The following ROBO1 variants were observed in gnomAD, a reference collection of about 807,000 sequenced individuals.
ROBO1 encodes roundabout homolog 1.
ROBO1 carries 149 observed loss-of-function variants against 195.9 expected under a neutral mutation model. That is an observed-to-expected ratio of 0.76 (90% CI 0.67 to 0.87). The LOEUF (loss-of-function observed/expected upper bound fraction) is 0.87, where lower values mean the gene tolerates loss of function less well. Ranked by LOEUF, ROBO1 falls within the 40% of genes least tolerant of loss-of-function variation. The probability of loss-of-function intolerance (pLI) is 0.00; values close to 1 mark genes in which losing one functional copy is unlikely to be tolerated. For missense variants in ROBO1, 1,933 were observed against 2,068.3 expected (o/e 0.93, Z 1.27); for synonymous variants, 816 against 733.2 (o/e 1.11, Z -1.82).
intron 3 of ROBO1, among the ~76,000 whole-genome samples, chr3:79,081,560 C>A (rs1259173342): frequency 1.3e-5 from 2 of 152,094 alleles, no homozygotes; most frequent in African/African-American, 2.4e-5. Flanking sequence ...TTTAATGTGT[C>A]CTTTTTGAGA....
chr3:78,864,217 C>T (rs969426631), intron 4 of ROBO1, among the ~76,000 whole-genome samples: 1 of 152,172 alleles, frequency 6.6e-6, no homozygotes, highest in Non-Finnish European at 1.5e-5. Flanking sequence ...ATGCCATTTA[C>T]CTTTTCTTGA....
At chr3:79,403,002 T>C (rs974348701) in intron 2 of ROBO1, among the ~76,000 whole-genome samples, 6 of 151,978 alleles carry the variant, frequency 3.9e-5, no homozygotes, top group African/African-American at 1.2e-4. Context: ...ACATTGCTAC[T>C]GTATGGTAAA....
At chr3:78,933,859 A>G (rs1248930984) in intron 4 of ROBO1, among the ~76,000 whole-genome samples, 1 of 152,024 alleles carries the variant, frequency 6.6e-6, no homozygotes, top group Non-Finnish European at 1.5e-5. Flanking sequence ...GTCCTGCATC[A>G]CCAATGAGGA....
intron 2 of ROBO1, among the ~76,000 whole-genome samples, chr3:79,316,397 G>A (rs533700967): frequency 6.6e-6 from 1 of 152,138 alleles, no homozygotes; most frequent in Non-Finnish European, 1.5e-5. Context: ...TATTTAATGG[G>A]AATGATTTTC....
chr3:78,856,214 A>G (rs867176257), intron 4 of ROBO1, among the ~76,000 whole-genome samples: 1 of 151,100 alleles, frequency 6.6e-6, no homozygotes, highest in Non-Finnish European at 1.5e-5. Context: ...CTCATTATAC[A>G]TTTTTACATG....
chr3:78,723,063 G>A (rs1481646103), intron 5 of ROBO1, among the ~76,000 whole-genome samples: 1 of 151,868 alleles, frequency 6.6e-6, no homozygotes, highest in East Asian at 1.9e-4. Flanking sequence ...ACAATTATAG[G>A]TCACATAATA....
chr3:79,242,187 A>G (rs2082531920), intron 2 of ROBO1, among the ~76,000 whole-genome samples: 1 of 152,070 alleles, frequency 6.6e-6, no homozygotes, highest in South Asian at 2.1e-4. Flanking sequence ...TGAAGATGGC[A>G]GAGAAATAAG....
chr3:78,752,807 T>C (rs748934311), intron 4 of ROBO1, among the ~76,000 whole-genome samples: 1 of 152,174 alleles, frequency 6.6e-6, no homozygotes, highest in Non-Finnish European at 1.5e-5. Flanking sequence ...TGTATAAAGT[T>C]TCCTAAAGGT....
intron 1 of ROBO1, among the ~76,000 whole-genome samples, chr3:79,714,135 TCAAA>T (rs1481968188): frequency 6.6e-6 from 1 of 151,590 alleles, no homozygotes; most frequent in Non-Finnish European, 1.5e-5. Flanking sequence ...TACAATGAGC[TCAAA>T]CAAATTTATA....
chr3:78,914,215 T>C (rs896930602), intron 4 of ROBO1, among the ~76,000 whole-genome samples: 2 of 152,172 alleles, frequency 1.3e-5, no homozygotes, highest in African/African-American at 4.8e-5. Flanking sequence ...AATAATTTCA[T>C]ATTACATTAT....
chr3:79,313,454 C>A (rs535607788), intron 2 of ROBO1, among the ~76,000 whole-genome samples: 8 of 152,176 alleles, frequency 5.3e-5, no homozygotes, highest in Non-Finnish European at 7.4e-5. Flanking sequence ...CTGTATGAAG[C>A]CAAGAAAATT....
At chr3:79,091,496 G>C (rs2079479230) in intron 3 of ROBO1, among the ~76,000 whole-genome samples, 1 of 152,068 alleles carries the variant, frequency 6.6e-6, no homozygotes, top group Admixed American at 6.6e-5. Flanking sequence ...TGTAGTAAAT[G>C]TTCCAGACAA....
At chr3:79,408,533 T>A (rs1369725042) in intron 2 of ROBO1, among the ~76,000 whole-genome samples, 1 of 152,132 alleles carries the variant, frequency 6.6e-6, no homozygotes, top group Non-Finnish European at 1.5e-5. Context: ...TAAAGTTAGA[T>A]ACTAGTAACT....
chr3:79,462,425 T>C (rs983767104), intron 2 of ROBO1, among the ~76,000 whole-genome samples: 1 of 152,230 alleles, frequency 6.6e-6, no homozygotes, highest in African/African-American at 2.4e-5. Context: ...ATTACTTGTA[T>C]AGTAGATTTT....
intron 2 of ROBO1, among the ~76,000 whole-genome samples, chr3:79,457,607 G>A (rs181682260): frequency 1.3e-5 from 2 of 152,164 alleles, no homozygotes; most frequent in Admixed American, 6.5e-5. Context: ...GAGAAACCTG[G>A]TGGGAGGTAA....
chr3:79,274,965 C>G (rs952439949), intron 2 of ROBO1, among the ~76,000 whole-genome samples: 1 of 152,056 alleles, frequency 6.6e-6, no homozygotes, highest in Non-Finnish European at 1.5e-5. Context: ...AGACTGATAA[C>G]AAGTACTGAG....
rs558758331 is a variant in ROBO1, at chr3:79,702,990, A to T, written c.-51+64762T>A. ...AAGGACTTTTACTGAGATCATGGTG[A>T]CCTACTATTCCCTTGGATATAAGTT... On this transcript the variant is annotated intron_variant, in intron 1 of 30. Coordinates refer to ENST00000464233, the MANE Select transcript of ROBO1 (RefSeq NM_002941.4). 2.0e-5 allele frequency among the ~76,000 whole-genome samples: 3 copies of T among 152,044 alleles called. No individual in the cohort carries two copies. In the South Asian group the frequency reaches 6.2e-4, roughly 32 times the overall value.
intron 2 of ROBO1, among the ~76,000 whole-genome samples, chr3:79,552,282 A>C (rs1440873222): frequency 6.6e-6 from 1 of 152,090 alleles, no homozygotes; most frequent in Non-Finnish European, 1.5e-5. Flanking sequence ...AAGATGCAGA[A>C]AAGATGCACA....
intron 4 of ROBO1, among the ~76,000 whole-genome samples, chr3:78,907,446 C>A (rs577775867): frequency 1.3e-5 from 2 of 152,174 alleles, no homozygotes; most frequent in African/African-American, 4.8e-5. Context: ...AAAAGAGCCC[C>A]TCCTTGAGAT....
Sources: gnomAD v4.1 joint callset for allele counts (sites outside exome capture counted in the v4.1 genomes callset) on GRCh38, gnomAD v4.1.1 for gene constraint, MANE v1.5 for transcripts, NCBI Gene and HGNC (gene_info 2026-07-23, HGNC 2026-07-21) for gene names.